Variants in PHF19 observed in about 807,000 individuals in gnomAD.
PHF19 encodes the protein polycomb like 3.
In PHF19, 21 loss-of-function variants were observed where a neutral mutation model predicts 79.8. The ratio of observed to expected loss-of-function variants is 0.26; its 90% CI spans 0.19 to 0.38. The LOEUF is 0.38. PHF19 is among the 10% of genes least tolerant of loss of function. The pLI, the probability that PHF19 is intolerant of heterozygous loss-of-function variation, is 1.00. For synonymous variants in PHF19, 273 were observed against 296.3 expected (o/e 0.92, Z 0.81); for missense variants, 445 against 744.2 (o/e 0.60, Z 4.68).
chr9:120,891,139 C>T lies in PHF19; in HGVS notation c.42+3649G>A, dbSNP rs933758236. Reference sequence around the variant, plus strand: ...CAGGGGTGGGGAGAGATTGAGCCCCCAGGGCTGGGTTAGGTATCCCTGCTC... The same window carrying T: ...CAGGGGTGGGGAGAGATTGAGCCCCTAGGGCTGGGTTAGGTATCCCTGCTC... On this transcript the variant is annotated intron_variant, in intron 1 of 14. Coordinates refer to the PHF19 transcript ENST00000616568. The surrounding 1 kb of genome is among the most constrained non-coding windows in gnomAD (Gnocchi z 4.3). Among the ~76,000 whole-genome samples the T allele has an allele frequency of 6.6e-6, 1 of 152,154 alleles. No individual in the cohort carries two copies. Among genetic ancestry groups the T allele is most frequent in the East Asian group, 1.9e-4 (1 of 5,194 alleles).
chr9:120,869,971 C>T lies in PHF19; in HGVS notation c.365-26G>A, dbSNP rs774858387. 27 of 1,552,500 alleles carry T rather than the reference C, an allele frequency of 1.7e-5. No homozygotes were observed. The highest frequency in any genetic ancestry group is 3.9e-5 in the Admixed American group (2 of 51,224). ...CTACGGCAGAGGAGGGGGCGGTGAGCGCCCACAAGGACATCGTGGCCCAAG... is the reference window on the plus strand; with the variant it reads ...CTACGGCAGAGGAGGGGGCGGTGAGTGCCCACAAGGACATCGTGGCCCAAG... On this transcript the variant is annotated intron_variant, in intron 4 of 14. Coordinates refer to ENST00000373896, the MANE Select transcript of PHF19 (RefSeq NM_015651.3). This position sits in a 1 kb window ranked among gnomAD's most constrained non-coding sequence, Gnocchi z 5.8.
chr9:120,862,818 A>G lies in PHF19; in HGVS notation c.969-69T>C, dbSNP rs2045574056. Reference sequence around the variant, plus strand: ...TCCATCCTCCTGGGGAGTGGGGTCAAGCATGACACAAGCCTCTCTGCCTCC... The same window carrying G: ...TCCATCCTCCTGGGGAGTGGGGTCAGGCATGACACAAGCCTCTCTGCCTCC... On this transcript the variant is annotated intron_variant, in intron 10 of 14. Coordinates refer to ENST00000373896, the MANE Select transcript of PHF19 (RefSeq NM_015651.3). The surrounding 1 kb of genome is among the most constrained non-coding windows in gnomAD (Gnocchi z 4.6). 1 of 1,445,058 alleles carries G rather than the reference A, an allele frequency of 6.9e-7. No individual in the cohort carries two copies. Among genetic ancestry groups the G allele is most frequent in the Non-Finnish European group, 9.7e-7 (1 of 1,031,250 alleles). The allele number at this position is 1,445,058 out of a possible 1,614,324, so 89.5% of individuals were successfully genotyped here.
intron 1 of PHF19, among the ~76,000 whole-genome samples, chr9:120,884,896 A>G (rs1210277985): frequency 6.6e-6 from 1 of 152,084 alleles, no homozygotes; most frequent in Non-Finnish European, 1.5e-5. Context: ...ACTCTGGCCT[A>G]GGAGCGAGAC....
At chr9:120,883,346 G>A (rs2046215538) in intron 1 of PHF19, among the ~76,000 whole-genome samples, 1 of 152,220 alleles carries the variant, frequency 6.6e-6, no homozygotes, top group Non-Finnish European at 1.5e-5. Context: ...TAAAGTGGTG[G>A]TTTGTTCACC....
rs1361280503 is a variant in PHF19, at chr9:120,874,156, CAG to C, written c.187-98_187-97del. ...CCCCCATTTTTGTCTCCGTATGTTCCAGAAAGCAGGGCTAGAAGGGGAAGAAG... is the reference window on the plus strand; with the variant it reads ...CCCCCATTTTTGTCTCCGTATGTTCCAAAGCAGGGCTAGAAGGGGAAGAAG... On this transcript the variant is annotated intron_variant, in intron 2 of 14. Transcript: ENST00000373896. The surrounding 1 kb of genome is among the most constrained non-coding windows in gnomAD (Gnocchi z 4.5). 1.4e-6 allele frequency: 1 copy of C among 714,646 alleles called. No homozygotes were observed. The highest frequency in any genetic ancestry group is 2.5e-6 in the Non-Finnish European group (1 of 396,390). 44.3% of individuals were successfully genotyped at this position (714,646 alleles called of 1,614,324 possible).
intron 1 of PHF19, among the ~76,000 whole-genome samples, chr9:120,892,240 G>A (rs999927647): frequency 3.3e-5 from 5 of 152,164 alleles, no homozygotes; most frequent in East Asian, 1.9e-4. Flanking sequence ...AACCCCACAC[G>A]TGGATGAAGC....
chr9:120,869,631 C>A lies in PHF19; in HGVS notation c.465+214G>T. 1.3e-6 allele frequency: 2 copies of A among 1,525,748 alleles called. No individual in the cohort carries two copies. Among genetic ancestry groups the A allele is most frequent in the Non-Finnish European group, 1.8e-6 (2 of 1,130,958 alleles). 94.5% of individuals were successfully genotyped at this position (1,525,748 alleles called of 1,614,324 possible). A position where few individuals can be genotyped will look rare whatever the true frequency, so the allele number is the denominator to read the frequency against. Reference sequence around the variant, plus strand: ...AGCATCATTTATTGGTCCCGTTATTCCCGACACCAAACCCATCTCCACTTT... The same window carrying A: ...AGCATCATTTATTGGTCCCGTTATTACCGACACCAAACCCATCTCCACTTT... On this transcript the variant is annotated intron_variant, in intron 5 of 14. Transcript: ENST00000373896. The surrounding 1 kb of genome is among the most constrained non-coding windows in gnomAD (Gnocchi z 5.8).
upstream of PHF19, among the ~76,000 whole-genome samples, chr9:120,899,111 A>G (rs1045988914): frequency 6.6e-6 from 1 of 151,800 alleles, no homozygotes; most frequent in African/African-American, 2.4e-5. Context: ...AGGCAGGAGA[A>G]TCTGTTGAAC....
In PHF19 at chr9:120,874,089, A is replaced by G. The variant is rs1311027843; in HGVS notation, c.187-29T>C. 1.5e-6 allele frequency: 2 copies of G among 1,332,470 alleles called. No homozygotes were observed. The highest frequency in any genetic ancestry group is 2.1e-6 in the Non-Finnish European group (2 of 932,828). 82.5% of individuals were successfully genotyped at this position (1,332,470 alleles called of 1,614,324 possible). The stretch of plus-strand genomic sequence containing the variant: ...GGGTACAGATAGGAAGGAGCAAGTG[A>G]GAAAGGGCTGGGGAAAAGCCAACCT... On this transcript the variant is annotated intron_variant, in intron 2 of 14. Coordinates refer to ENST00000373896, the MANE Select transcript of PHF19 (RefSeq NM_015651.3). This position sits in a 1 kb window ranked among gnomAD's most constrained non-coding sequence, Gnocchi z 4.5.
chr9:120,862,081 C>T lies in PHF19; in HGVS notation c.1131-76G>A. The T allele has an allele frequency of 9.6e-7, 1 of 1,038,144 alleles. No homozygotes were observed. The highest frequency in any genetic ancestry group is 1.3e-5 in the South Asian group (1 of 79,636). 64.3% of individuals were successfully genotyped at this position (1,038,144 alleles called of 1,614,324 possible). On this transcript the variant is annotated intron_variant, in intron 11 of 14. Transcript: ENST00000373896. This position sits in a 1 kb window ranked among gnomAD's most constrained non-coding sequence, Gnocchi z 4.6. ...TAGGGTGGCCCAGAGGGAGGCGCCGCAGGGGCGGGGGTCACAGCAGTTGGG... is the reference window on the plus strand; with the variant it reads ...TAGGGTGGCCCAGAGGGAGGCGCCGTAGGGGCGGGGGTCACAGCAGTTGGG...
intron 1 of PHF19, among the ~76,000 whole-genome samples, chr9:120,884,210 A>T (rs7034390): frequency 0.69 from 104,367 of 152,172 alleles, 36,066 homozygotes; most frequent in Middle Eastern, 0.8. Flanking sequence ...TGATTAAAAC[A>T]GTGTGATCAT....
chr9:120,866,132 G>A lies in PHF19; in HGVS notation c.711-36C>T, dbSNP rs1350559753. Reference sequence around the variant, plus strand: ...GTAGAGACGGGGGCCTATGGTGGGAGGGGCTCTGACACCCCCACCCCAGTC... The same window carrying A: ...GTAGAGACGGGGGCCTATGGTGGGAAGGGCTCTGACACCCCCACCCCAGTC... On this transcript the variant is annotated intron_variant, in intron 7 of 14. Transcript: ENST00000373896. This position sits in a 1 kb window ranked among gnomAD's most constrained non-coding sequence, Gnocchi z 5.2. 3 of 1,523,772 alleles carry A rather than the reference G, an allele frequency of 2.0e-6. No homozygotes were observed. In the African/African-American group the frequency reaches 4.1e-5, roughly 21 times the overall value. The allele number at this position is 1,523,772 out of a possible 1,614,324, so 94.4% of individuals were successfully genotyped here.
In PHF19 at chr9:120,858,140, C is replaced by G. The variant is rs1346057942; in HGVS notation, c.1547G>C (p.Gly516Ala). 2 of 1,613,748 alleles carry G rather than the reference C, an allele frequency of 1.2e-6. No individual in the cohort carries two copies. The highest frequency in any genetic ancestry group is 2.2e-5 in the South Asian group (2 of 91,076). The change falls in exon 15 of 15, where the codon GGC (glycine) becomes GCC (alanine). Residue 516 changes from glycine (G) to alanine (A), a missense_variant. Around this residue, in one of 5 missense-constraint regions of PHF19, gnomAD observed 125 missense variants for 180.5 expected, o/e 0.69. Coordinates refer to ENST00000373896, the MANE Select transcript of PHF19 (RefSeq NM_015651.3). ...GCTCTCAAATGTGTGGCTGTCAATG[C>G]CTTCGTCTGGCCGCTCGGGGACTGA... ...GASVPERPDEGIDSHTFESIS... is the reference protein window; with the variant it reads ...GASVPERPDEAIDSHTFESIS...
chr9:120,892,233 C>G (rs1010160496), intron 1 of PHF19, among the ~76,000 whole-genome samples: 5 of 152,112 alleles, frequency 3.3e-5, no homozygotes, highest in Non-Finnish European at 5.9e-5. Flanking sequence ...TGCGGCAAAC[C>G]CCACACGTGG....
rs2045808897 is a variant in PHF19 at position 120,869,105 on chromosome 9, C to G, written c.614+77G>C. The stretch of plus-strand genomic sequence containing the variant: ...CGCCTTGGCTGACACGCCAGGCTCG[C>G]TCCCTATGGGCGGTCCCTGCTGGCG... On this transcript the variant is annotated intron_variant, in intron 6 of 14. Transcript: ENST00000373896. The surrounding 1 kb of genome is among the most constrained non-coding windows in gnomAD (Gnocchi z 5.8). 1 of 1,445,764 alleles carries G rather than the reference C, an allele frequency of 6.9e-7. No individual in the cohort carries two copies. Among genetic ancestry groups the G allele is most frequent in the African/African-American group, 1.4e-5 (1 of 70,396 alleles). The allele number at this position is 1,445,764 out of a possible 1,614,324, so 89.6% of individuals were successfully genotyped here. A position where few individuals can be genotyped will look rare whatever the true frequency, so the allele number is the denominator to read the frequency against.
intron 1 of PHF19, among the ~76,000 whole-genome samples, chr9:120,886,279 T>C (rs867159835): frequency 1.2e-4 from 18 of 152,338 alleles, no homozygotes; most frequent in Admixed American, 4.6e-4. Context: ...CCATGAGGCT[T>C]CGACAGGCCC....
At chr9:120,883,754 C>G (rs2046222517) in intron 1 of PHF19, among the ~76,000 whole-genome samples, 1 of 99,864 alleles carries the variant, frequency 1.0e-5, no homozygotes, top group African/African-American at 4.4e-5. Context: ...GAACAAGACA[C>G]TGTCTCCAAA....
intron 1 of PHF19, chr9:120,876,322 C>G (rs1177228887): frequency 6.6e-6 from 1 of 152,216 alleles, no homozygotes; most frequent in Non-Finnish European, 1.5e-5. Context: ...CCCGCCCGCC[C>G]GGCCAGGGGC....
chr9:120,904,102 C>T, the PHF19 span: 1 of 152,262 alleles, frequency 6.6e-6, no homozygotes, highest in Non-Finnish European at 1.5e-5. Flanking sequence ...AAGGTGGGGC[C>T]TCTAGGCAGG....
Sources: allele counts gnomAD v4.1 joint callset (sites outside exome capture counted in the v4.1 genomes callset), GRCh38; gene constraint gnomAD v4.1.1; regional missense constraint gnomAD v4.1.1; non-coding constraint Gnocchi (gnomAD v3.1); transcripts MANE v1.5; gene names NCBI Gene and HGNC (gene_info 2026-07-23, HGNC 2026-07-21).